Variants in FAM13A observed in about 807,000 individuals in gnomAD.
The protein encoded by FAM13A is protein FAM13A.
Under a neutral mutation model 129.6 loss-of-function variants are expected in FAM13A, and 76 were observed. The ratio of observed to expected loss-of-function variants is 0.59; its 90% CI spans 0.49 to 0.71. The LOEUF is 0.71. Ranked by LOEUF, FAM13A falls within the 30% of genes least tolerant of loss-of-function variation. The pLI, the probability that FAM13A is intolerant of heterozygous loss-of-function variation, is 0.00. For missense variants in FAM13A, 1,108 were observed against 1,249.3 expected (o/e 0.89, Z 1.70); for synonymous variants, 443 against 449.9 (o/e 0.98, Z 0.20).
chr4:88,796,719 T>TG (rs1205570077), intron 8 of FAM13A, among the ~76,000 whole-genome samples: 2 of 152,022 alleles, frequency 1.3e-5, no homozygotes, highest in Non-Finnish European at 2.9e-5. Flanking sequence ...TAGGTTTTTT[T>TG]TTTTTAGTAG....
chr4:88,945,990 G>GTGTATATATA lies in FAM13A; in HGVS notation c.606-7750_606-7749insTATATATACA. Among the ~76,000 whole-genome samples the GTGTATATATA allele has an allele frequency of 2.0e-3, 124 of 61,836 alleles. 1 individual carries two copies. The highest frequency in any genetic ancestry group is 5.1e-3 in the Admixed American group (30 of 5,846). The allele number at this position is 61,836 out of a possible 152,430, so 40.6% of individuals were successfully genotyped here. Reference sequence around the variant, plus strand: ...TGTGTGTGTGTGTGTGTGTGTGTGTGTATATATATATATATATATATATAT... The same window carrying GTGTATATATA: ...TGTGTGTGTGTGTGTGTGTGTGTGTGTGTATATATATATATATATATATATATATATATAT... On this transcript the variant is annotated intron_variant, in intron 4 of 23. Coordinates refer to ENST00000264344, the MANE Select transcript of FAM13A (RefSeq NM_014883.4).
At chr4:88,844,526 A>G (rs1233524569) in intron 7 of FAM13A, among the ~76,000 whole-genome samples, 1 of 152,242 alleles carries the variant, frequency 6.6e-6, no homozygotes, top group Admixed American at 6.5e-5. Flanking sequence ...TATAATTTGT[A>G]AAGCAAATAT....
At chr4:89,005,107 T>G (rs1039531773) in intron 3 of FAM13A, among the ~76,000 whole-genome samples, 2 of 115,564 alleles carry the variant, frequency 1.7e-5, no homozygotes, top group African/African-American at 2.7e-5. Flanking sequence ...TGTTGTTTAC[T>G]TCTTTGTGTT....
At chr4:88,749,678 C>A in intron 16 of FAM13A, 93 bp downstream of exon 16, 1 of 1,350,818 alleles carries the variant, frequency 7.4e-7, no homozygotes, top group Non-Finnish European at 1.0e-6. Context: ...CTAGAAGCCT[C>A]CCTTAACCTT....
intron 6 of FAM13A, among the ~76,000 whole-genome samples, chr4:88,856,979 A>C (rs1025005370): frequency 3.9e-5 from 6 of 152,220 alleles, no homozygotes; most frequent in Non-Finnish European, 7.3e-5. Flanking sequence ...AGTTTCATTT[A>C]GCTTTCCAAA....
At chr4:88,739,003 C>G (rs763850726) in intron 20 of FAM13A, 27 bp downstream of exon 20, 1 of 1,469,574 alleles carries the variant, frequency 6.8e-7, no homozygotes, top group South Asian at 1.1e-5. Context: ...AGGTGTTGTA[C>G]CAGCCACGGG....
At chr4:88,888,761 T>C (rs1264853006) in intron 6 of FAM13A, among the ~76,000 whole-genome samples, 1 of 142,378 alleles carries the variant, frequency 7.0e-6, no homozygotes, top group Non-Finnish European at 1.6e-5. Context: ...CCGTCTCTAC[T>C]AAAAATACTA....
intron 3 of FAM13A, among the ~76,000 whole-genome samples, chr4:88,997,583 A>G (rs1763727208): frequency 6.6e-6 from 1 of 151,708 alleles, no homozygotes; most frequent in African/African-American, 2.4e-5. Flanking sequence ...AATTATAATC[A>G]GCAATGCTAT....
chr4:88,946,521 T>C (rs888264785), intron 4 of FAM13A, among the ~76,000 whole-genome samples: 33 of 150,682 alleles, frequency 2.2e-4, no homozygotes, highest in African/African-American at 8.0e-4. Context: ...GATGATAGAA[T>C]TACTATCTAC....
chr4:89,021,712 C>T (rs1795722), intron 2 of FAM13A, among the ~76,000 whole-genome samples: 124,600 of 152,096 alleles, frequency 0.82, 51,386 homozygotes, highest in Middle Eastern at 0.91. Flanking sequence ...TGGAGAGGAC[C>T]TGCCTTATGG....
chr4:89,055,988 A>G (rs1772159238), intron 1 of FAM13A, among the ~76,000 whole-genome samples: 1 of 152,214 alleles, frequency 6.6e-6, no homozygotes, highest in Admixed American at 6.5e-5. Context: ...CAGAAGCTAC[A>G]GCAAATTGCA....
At chr4:88,756,534 AG>A (rs1261129923) in intron 14 of FAM13A, among the ~76,000 whole-genome samples, 7 of 152,276 alleles carry the variant, frequency 4.6e-5, no homozygotes, top group South Asian at 2.1e-4. Context: ...ACCAAAAAAG[AG>A]GGGATGGTGC....
intron 6 of FAM13A, among the ~76,000 whole-genome samples, chr4:88,898,990 A>G (rs1746799247): frequency 6.6e-6 from 1 of 152,036 alleles, no homozygotes; most frequent in South Asian, 2.1e-4. Context: ...TAGTGGCACA[A>G]TTCACAATTG....
At chr4:88,972,625 G>A (rs1185837242) in intron 4 of FAM13A, among the ~76,000 whole-genome samples, 1 of 150,714 alleles carries the variant, frequency 6.6e-6, no homozygotes, top group African/African-American at 2.4e-5. Context: ...TTTTGGGGGG[G>A]AGAACAGAGT....
At chr4:88,980,593 AATTATG>A (rs1275363143) in intron 4 of FAM13A, among the ~76,000 whole-genome samples, 2 of 16,214 alleles carry the variant, frequency 1.2e-4, no homozygotes, top group African/African-American at 4.8e-4. Context: ...TAACAAATAT[AATTATG>A]CTAAAAATTA....
At chr4:88,867,202 T>C (rs2150061318) in intron 6 of FAM13A, among the ~76,000 whole-genome samples, 1 of 152,278 alleles carries the variant, frequency 6.6e-6, no homozygotes, top group African/African-American at 2.4e-5. Flanking sequence ...TACTTGTTGG[T>C]TTATTAACAC....
chr4:88,982,684 G>C (rs565431645), intron 4 of FAM13A, among the ~76,000 whole-genome samples: 142 of 152,268 alleles, frequency 9.3e-4, no homozygotes, highest in African/African-American at 3.1e-3. Flanking sequence ...TAATTTCTAA[G>C]AATGATAAAG....
chr4:88,935,821 T>C (rs1175626125), intron 5 of FAM13A, among the ~76,000 whole-genome samples: 3 of 152,184 alleles, frequency 2.0e-5, no homozygotes, highest in African/African-American at 7.2e-5. Context: ...TGAAATGATT[T>C]CCATAACTTC....
chr4:88,909,211 G>C (rs534447179), intron 5 of FAM13A, among the ~76,000 whole-genome samples: 1 of 152,250 alleles, frequency 6.6e-6, no homozygotes, highest in South Asian at 2.1e-4. Context: ...ATTAATTGAT[G>C]AATGGATAAA....
Sources: gnomAD v4.1 joint callset for allele counts (sites outside exome capture counted in the v4.1 genomes callset) on GRCh38, gnomAD v4.1.1 for gene constraint, MANE v1.5 for transcripts, NCBI Gene and HGNC (gene_info 2026-07-23, HGNC 2026-07-21) for gene names.